The following TRAT1 variants were observed in gnomAD, a reference collection of about 807,000 sequenced individuals.
TRAT1 encodes T cell receptor associated transmembrane adaptor 1.
In TRAT1, 20 loss-of-function variants were observed where a neutral mutation model predicts 20.0. The ratio of observed to expected loss-of-function variants is 1.00; its 90% CI spans 0.70 to 1.45. The LOEUF (loss-of-function observed/expected upper bound fraction) is 1.45. Ranked by LOEUF, TRAT1 falls within the 40% of genes most tolerant of loss-of-function variation. The pLI is 0.00. For missense variants in TRAT1, 237 were observed against 224.1 expected, an observed-to-expected ratio of 1.06 and a Z score of -0.37; for synonymous variants, 77 against 74.2, an observed-to-expected ratio of 1.04 and a Z score of -0.20.
At chr3:108,850,973 G>T (rs1945993205) in intron 5 of TRAT1, among the ~76,000 whole-genome samples, 1 of 152,120 alleles carries the variant, frequency 6.6e-6, no homozygotes, top group Non-Finnish European at 1.5e-5. Context: ...CTGCTCTTTT[G>T]TAAATTGTGT....
chr3:108,833,566 A>T (rs1390163415), intron 2 of TRAT1, among the ~76,000 whole-genome samples: 8 of 152,248 alleles, frequency 5.3e-5, no homozygotes, highest in Non-Finnish European at 1.2e-4. Flanking sequence ...GAACATTTTT[A>T]AGAAAACAGT....
chr3:108,852,223 A>G (rs1001258665), intron 5 of TRAT1, among the ~76,000 whole-genome samples: 5 of 152,212 alleles, frequency 3.3e-5, no homozygotes, highest in Non-Finnish European at 7.3e-5. Context: ...TCTACTAAAA[A>G]TACAAAAATT....
At chr3:108,841,809 C>T (rs1386971687) in intron 3 of TRAT1, among the ~76,000 whole-genome samples, 2 of 152,106 alleles carry the variant, frequency 1.3e-5, no homozygotes, top group Non-Finnish European at 2.9e-5. Flanking sequence ...CTTTATTTCT[C>T]ATTTAAAACA....
intron 4 of TRAT1, among the ~76,000 whole-genome samples, chr3:108,848,919 T>C (rs1024714077): frequency 6.6e-6 from 1 of 152,192 alleles, no homozygotes; most frequent in Non-Finnish European, 1.5e-5. Context: ...AAAATTCATA[T>C]GATCTAGTTC....
intron 3 of TRAT1, among the ~76,000 whole-genome samples, chr3:108,844,996 G>A (rs1945929078): frequency 6.6e-6 from 1 of 152,064 alleles, no homozygotes; most frequent in South Asian, 2.1e-4. Flanking sequence ...TTTCAGGCAT[G>A]TTCAGAACAA....
At chr3:108,832,376 T>G (rs1392182708) in intron 2 of TRAT1, among the ~76,000 whole-genome samples, 1 of 152,256 alleles carries the variant, frequency 6.6e-6, no homozygotes, top group Non-Finnish European at 1.5e-5. Context: ...AGCAATGCTT[T>G]CAGTAATCTT....
chr3:108,838,766 G>C (rs1193044844), intron 2 of TRAT1, among the ~76,000 whole-genome samples, 168 bp from the exon 3 acceptor site: 1 of 151,922 alleles, frequency 6.6e-6, no homozygotes, highest in African/African-American at 2.4e-5. Flanking sequence ...AAATCTGATT[G>C]GCCCAAGAGG....
At position 108,850,567 on chromosome 3, in the gene TRAT1, G is replaced by A. The variant is rs1225255805; in HGVS notation, c.303+1313G>A. On this transcript the variant is annotated intron_variant, in intron 5 of 5. Transcript: ENST00000295756. Reference sequence around the variant, plus strand: ...GATCCACCCACCTCGGCCTCCCAAAGTGCTGGGATTACAGGCATGAGCCAT... The same window carrying A: ...GATCCACCCACCTCGGCCTCCCAAAATGCTGGGATTACAGGCATGAGCCAT... Among the ~76,000 whole-genome samples the A allele has an allele frequency of 3.3e-5, 5 of 152,142 alleles. No individual in the cohort carries two copies. The East Asian group carries it at 5.8e-4, about 18-fold the overall frequency.
intron 2 of TRAT1, among the ~76,000 whole-genome samples, chr3:108,832,509 C>CTT (rs1945803282): frequency 1.3e-5 from 2 of 152,108 alleles, no homozygotes. Context: ...CAGAGTAGCA[C>CTT]TTTGCTTTAT....
intron 1 of TRAT1, among the ~76,000 whole-genome samples, chr3:108,826,416 C>G (rs536308446): frequency 1.3e-5 from 2 of 152,232 alleles, no homozygotes; most frequent in Admixed American, 1.3e-4. Flanking sequence ...GCATTAAAAA[C>G]AGCATGGTAT....
At chr3:108,849,389 C>A in intron 5 of TRAT1, 135 bp downstream of exon 5, 1 of 645,628 alleles carries the variant, frequency 1.5e-6, no homozygotes, top group Non-Finnish European at 2.7e-6. Flanking sequence ...TGAGCTCTAA[C>A]TCAGGGTCAT....
intron 2 of TRAT1, among the ~76,000 whole-genome samples, chr3:108,836,210 G>A (rs757288538): frequency 1.2e-4 from 19 of 152,120 alleles, no homozygotes; most frequent in Non-Finnish European, 2.5e-4. Context: ...GAGCCACCGT[G>A]CCCGGCCAGA....
chr3:108,832,554 A>T (rs879404504), intron 2 of TRAT1, among the ~76,000 whole-genome samples: 5 of 152,178 alleles, frequency 3.3e-5, no homozygotes, highest in Admixed American at 3.3e-4. Context: ...CTTTATTAAG[A>T]TATCTTATAA....
chr3:108,830,130 A>G (rs942515957), intron 1 of TRAT1, among the ~76,000 whole-genome samples: 5 of 152,258 alleles, frequency 3.3e-5, no homozygotes, highest in Middle Eastern at 6.8e-3. Context: ...TCCACTTTAC[A>G]TTCATGGGGC....
intron 2 of TRAT1, among the ~76,000 whole-genome samples, chr3:108,838,363 TAGATA>T: frequency 7.8e-6 from 1 of 128,144 alleles, no homozygotes; most frequent in South Asian, 2.5e-4. Context: ...AGATGATAGA[TAGATA>T]GATAGATAGA....
In TRAT1 at chr3:108,842,059, T is replaced by A. The variant is rs1173554787; in HGVS notation, c.152+3092T>A. Among the ~76,000 whole-genome samples, 3 of 152,184 alleles carry A rather than the reference T, an allele frequency of 2.0e-5. No individual in the cohort carries two copies. The East Asian group carries it at 5.8e-4, about 29-fold the overall frequency. On this transcript the variant is annotated intron_variant, in intron 3 of 5. Coordinates refer to ENST00000295756, the MANE Select transcript of TRAT1 (RefSeq NM_016388.4). ...GTTTTATTGAATAAAAATTAATGCC[T>A]CTGAAAATTCCTGCCCACTTGCAGT...
intron 3 of TRAT1, among the ~76,000 whole-genome samples, chr3:108,845,976 C>A (rs987733511): frequency 3.9e-5 from 6 of 152,162 alleles, no homozygotes; most frequent in Admixed American, 2.0e-4. Context: ...AATCAGCTAG[C>A]AAGAGCAAAT....
At chr3:108,825,982 A>G (rs1945734604) in intron 1 of TRAT1, among the ~76,000 whole-genome samples, 1 of 152,174 alleles carries the variant, frequency 6.6e-6, no homozygotes. Flanking sequence ...CTTTAATCTC[A>G]GTAGAATTTC....
chr3:108,838,820 G>T (rs1559822681), intron 2 of TRAT1, 114 bp from the exon 3 acceptor site: 4 of 820,386 alleles, frequency 4.9e-6, no homozygotes, highest in African/African-American at 1.7e-5. Flanking sequence ...TGAGAGCCTT[G>T]GTCAAATATA....
Sources: gnomAD v4.1 joint callset for allele counts (sites outside exome capture counted in the v4.1 genomes callset) on GRCh38, gnomAD v4.1.1 for gene constraint, MANE v1.5 for transcripts, NCBI Gene and HGNC (gene_info 2026-07-23, HGNC 2026-07-21) for gene names.